The following CHST9 variants were observed in gnomAD, a reference collection of about 807,000 sequenced individuals.
CHST9 encodes GalNAc-4-sulfotransferase 2.
Under a neutral mutation model 44.4 loss-of-function variants are expected in CHST9, and 41 were observed. The ratio of observed to expected loss-of-function variants is 0.92; its 90% CI spans 0.72 to 1.20. The LOEUF is 1.20. CHST9 is among the 50% of genes most tolerant of loss of function. CHST9 has a pLI of 0.00. For missense variants in CHST9, 504 were observed against 516.5 expected, an observed-to-expected ratio of 0.98 and a Z score of 0.23; for synonymous variants, 171 against 178.4, an observed-to-expected ratio of 0.96 and a Z score of 0.33.
chr18:27,029,446 C>T (rs1297063975), intron 3 of CHST9, among the ~76,000 whole-genome samples: 2 of 151,990 alleles, frequency 1.3e-5, no homozygotes, highest in African/African-American at 4.8e-5. Flanking sequence ...CATGGGGAAC[C>T]AAGGAACCAA....
intron 4 of CHST9, among the ~76,000 whole-genome samples, chr18:27,012,151 T>A (rs1306018212): frequency 6.6e-6 from 1 of 152,132 alleles, no homozygotes; most frequent in East Asian, 1.9e-4. Context: ...TTGTTAATTA[T>A]AATTTATGTA....
chr18:27,072,437 G>A (rs1299141059), intron 2 of CHST9, among the ~76,000 whole-genome samples: 6 of 152,058 alleles, frequency 3.9e-5, no homozygotes, highest in Admixed American at 3.3e-4. Flanking sequence ...TTGCCAAAAG[G>A]CTTTTCCTTA....
intron 4 of CHST9, among the ~76,000 whole-genome samples, chr18:26,967,809 G>A (rs1417806097): frequency 6.6e-6 from 1 of 152,140 alleles, no homozygotes; most frequent in Non-Finnish European, 1.5e-5. Context: ...CCTCAATCTG[G>A]GTGGACACAA....
intron 1 of CHST9, among the ~76,000 whole-genome samples, chr18:27,157,939 A>C (rs2058710724): frequency 6.6e-6 from 1 of 152,136 alleles, no homozygotes; most frequent in Non-Finnish European, 1.5e-5. Flanking sequence ...AATGAAGAGA[A>C]TTTCCAGTAA....
At chr18:26,919,614 C>T (rs565916369) in intron 5 of CHST9, among the ~76,000 whole-genome samples, 1 of 152,206 alleles carries the variant, frequency 6.6e-6, no homozygotes, top group East Asian at 1.9e-4. Flanking sequence ...TTAAAGCCTC[C>T]CCATTTGTCC....
chr18:27,063,808 GT>G (rs527551500), intron 2 of CHST9, among the ~76,000 whole-genome samples: 1 of 142,744 alleles, frequency 7.0e-6, no homozygotes, highest in Non-Finnish European at 1.5e-5. Context: ...TACATGTGTG[GT>G]TTTTTTTAAT....
At position 27,008,061 on chromosome 18, in the gene CHST9, G is replaced by A. The variant is rs531566277; in HGVS notation, c.202+16055C>T. Among the ~76,000 whole-genome samples the A allele has an allele frequency of 1.3e-4, 20 of 152,256 alleles. No individual in the cohort carries two copies. The South Asian group carries it at 2.5e-3, about 19-fold the overall frequency. On this transcript the variant is annotated intron_variant, in intron 4 of 5. Coordinates refer to ENST00000618847, the MANE Select transcript of CHST9 (RefSeq NM_031422.6). ...ATCAGGGAGGTTCATGGGAGGACACGGAGAGACAGGACCCACAGCATAGGA... is the reference window on the plus strand; with the variant it reads ...ATCAGGGAGGTTCATGGGAGGACACAGAGAGACAGGACCCACAGCATAGGA...
chr18:27,081,921 C>T (rs1435359286), intron 2 of CHST9, among the ~76,000 whole-genome samples: 1 of 152,110 alleles, frequency 6.6e-6, no homozygotes, highest in African/African-American at 2.4e-5. Flanking sequence ...CAGAGGCCTG[C>T]ACTTAATTAA....
intron 5 of CHST9, among the ~76,000 whole-genome samples, chr18:26,927,646 C>G (rs2055795096): frequency 6.6e-6 from 1 of 152,170 alleles, no homozygotes; most frequent in Admixed American, 6.5e-5. Context: ...GTCTCAACTC[C>G]AGTCCTAAGG....
At chr18:27,147,326 C>G (rs574986284) in intron 1 of CHST9, among the ~76,000 whole-genome samples, 10 of 152,254 alleles carry the variant, frequency 6.6e-5, no homozygotes, top group African/African-American at 2.4e-4. Context: ...CTCGGCCTCC[C>G]AAAGTGCTGG....
chr18:27,125,911 G>C (rs1174834099), intron 2 of CHST9, among the ~76,000 whole-genome samples: 1 of 152,120 alleles, frequency 6.6e-6, no homozygotes, highest in African/African-American at 2.4e-5. Context: ...AAGTGTAAAA[G>C]GGTAACATGG....
chr18:26,954,603 T>G (rs776791383), intron 4 of CHST9, among the ~76,000 whole-genome samples: 12 of 152,224 alleles, frequency 7.9e-5, no homozygotes, highest in Middle Eastern at 3.4e-3. Context: ...CCTCTTGTCT[T>G]TTGCACATGC....
At chr18:27,179,064 ATG>A (rs10566960) in intron 1 of CHST9, among the ~76,000 whole-genome samples, 107,138 of 151,080 alleles carry the variant, frequency 0.71, 38,182 homozygotes, top group East Asian at 0.77. Flanking sequence ...ACATGCATAC[ATG>A]TGTGTGATAA....
intron 4 of CHST9, among the ~76,000 whole-genome samples, chr18:27,020,658 A>G (rs1313542139): frequency 6.6e-6 from 1 of 152,242 alleles, no homozygotes; most frequent in African/African-American, 2.4e-5. Flanking sequence ...GGAATCAACC[A>G]TGCTCCCAAA....
At chr18:27,116,263 C>G (rs891030103) in intron 2 of CHST9, among the ~76,000 whole-genome samples, 1 of 152,138 alleles carries the variant, frequency 6.6e-6, no homozygotes, top group East Asian at 1.9e-4. Context: ...TAGGCTCTTA[C>G]ATTTAGGTCT....
chr18:27,176,526 C>A (rs1351873796), intron 1 of CHST9, among the ~76,000 whole-genome samples: 2 of 151,900 alleles, frequency 1.3e-5, no homozygotes, highest in Non-Finnish European at 2.9e-5. Flanking sequence ...GAACCCTGCA[C>A]CCTTGAGGTG....
chr18:27,139,482 A>AAC (rs10547483), intron 2 of CHST9, among the ~76,000 whole-genome samples: 11 of 150,092 alleles, frequency 7.3e-5, no homozygotes, highest in Non-Finnish European at 1.0e-4. Flanking sequence ...TGTTATTTGA[A>AAC]ACACACACAC....
chr18:27,075,801 A>G (rs1212927942), intron 2 of CHST9, among the ~76,000 whole-genome samples: 1 of 152,184 alleles, frequency 6.6e-6, no homozygotes, highest in African/African-American at 2.4e-5. Context: ...CAACACCTAA[A>G]TATTTAAAAA....
At chr18:26,994,602 G>C (rs185980241) in intron 4 of CHST9, among the ~76,000 whole-genome samples, 359 of 152,104 alleles carry the variant, frequency 2.4e-3, no homozygotes, top group Middle Eastern at 3.4e-3. Flanking sequence ...TTGCGGGGCT[G>C]GGGGGTGGAC....
Sources: allele counts gnomAD v4.1 joint callset (sites outside exome capture counted in the v4.1 genomes callset), GRCh38; gene constraint gnomAD v4.1.1; transcripts MANE v1.5; gene names NCBI Gene and HGNC (gene_info 2026-07-23, HGNC 2026-07-21).